CACNA2D3: variants seen among roughly 807,000 people sequenced by gnomAD.
CACNA2D3 encodes the protein voltage-dependent calcium channel subunit alpha-2/delta-3.
CACNA2D3 carries 60 observed loss-of-function variants against 160.6 expected under a neutral mutation model. The observed-to-expected ratio is 0.37, with a 90% CI of 0.30 to 0.46. The LOEUF is 0.46. Among genes scored for constraint, CACNA2D3 ranks in the 20% least tolerant of loss-of-function variants. The pLI is 1.00. For synonymous variants in CACNA2D3, 558 were observed against 492.9 expected, an observed-to-expected ratio of 1.13 and a Z score of -1.75; for missense variants, 1,205 against 1,365.0, an observed-to-expected ratio of 0.88 and a Z score of 1.85.
chr3:54,321,523 C>T (rs999798144), intron 3 of CACNA2D3, among the ~76,000 whole-genome samples: 7 of 152,150 alleles, frequency 4.6e-5, no homozygotes, highest in Non-Finnish European at 1.5e-5. Flanking sequence ...AACCAAGCAC[C>T]TACTACAGGC....
At position 54,292,790 on chromosome 3, in the gene CACNA2D3, A is replaced by G. The variant is rs1270315161; in HGVS notation, c.205-27652A>G. On this transcript the variant is annotated intron_variant, in intron 2 of 37. Transcript: ENST00000474759. ...AGTAGTTCTACAAAAAGTTAAATAT[A>G]GAGTTACCATCTGACCCAGCAATTT... Among the ~76,000 whole-genome samples the G allele has an allele frequency of 7.9e-5, 12 of 152,338 alleles. No homozygotes were observed. The South Asian group carries it at 2.1e-3, about 26-fold the overall frequency.
intron 3 of CACNA2D3, among the ~76,000 whole-genome samples, chr3:54,385,323 C>G (rs915653718): frequency 7.2e-5 from 11 of 152,082 alleles, no homozygotes; most frequent in Non-Finnish European, 5.9e-5. Context: ...TTTGTATTTT[C>G]AGGTGAGGAA....
chr3:54,313,427 A>G (rs1703787016), intron 2 of CACNA2D3, among the ~76,000 whole-genome samples: 1 of 152,088 alleles, frequency 6.6e-6, no homozygotes, highest in East Asian at 1.9e-4. Flanking sequence ...GTTATTCAAA[A>G]GTACAGACCT....
At chr3:54,930,673 G>T (rs546710694) in intron 27 of CACNA2D3, among the ~76,000 whole-genome samples, 1 of 152,340 alleles carries the variant, frequency 6.6e-6, no homozygotes, top group East Asian at 1.9e-4. Flanking sequence ...ATGGTCCTGG[G>T]AAAATCCCAG....
chr3:54,428,665 T>C (rs913474138), intron 4 of CACNA2D3, among the ~76,000 whole-genome samples: 4 of 152,188 alleles, frequency 2.6e-5, no homozygotes, highest in Admixed American at 6.5e-5. Flanking sequence ...ACGATCTCTT[T>C]CTACCTTTCA....
intron 13 of CACNA2D3, among the ~76,000 whole-genome samples, chr3:54,815,900 T>C (rs1703437701): frequency 6.6e-6 from 1 of 152,212 alleles, no homozygotes; most frequent in Non-Finnish European, 1.5e-5. Flanking sequence ...GGGTATTTAA[T>C]ACATGGATCA....
intron 4 of CACNA2D3, among the ~76,000 whole-genome samples, chr3:54,497,521 A>G (rs1701220595): frequency 6.6e-6 from 1 of 151,958 alleles, no homozygotes. Flanking sequence ...ATTCCTTAGG[A>G]TTTTCTATAT....
At chr3:54,149,831 G>T (rs1218761689) in intron 2 of CACNA2D3, among the ~76,000 whole-genome samples, 1 of 151,370 alleles carries the variant, frequency 6.6e-6, no homozygotes, top group Non-Finnish European at 1.5e-5. Context: ...TCTTGAATGA[G>T]TGCTTCACTG....
chr3:54,621,915 C>G (rs1482826407), intron 9 of CACNA2D3, among the ~76,000 whole-genome samples: 1 of 152,170 alleles, frequency 6.6e-6, no homozygotes, highest in African/African-American at 2.4e-5. Flanking sequence ...AAATGAAAGT[C>G]TCACTTTTTT....
intron 9 of CACNA2D3, chr3:54,626,324 G>T: frequency 6.4e-7 from 1 of 1,553,588 alleles, no homozygotes; most frequent in Non-Finnish European, 8.7e-7. Flanking sequence ...CCGCTGTACA[G>T]TGCGCGCCAG....
intron 2 of CACNA2D3, among the ~76,000 whole-genome samples, chr3:54,241,264 A>G (rs1349170465): frequency 6.6e-6 from 1 of 152,168 alleles, no homozygotes; most frequent in Non-Finnish European, 1.5e-5. Flanking sequence ...TTTAATGATC[A>G]TGACTGGGGG....
chr3:54,529,763 A>G (rs966708695), intron 5 of CACNA2D3, among the ~76,000 whole-genome samples: 13 of 152,122 alleles, frequency 8.5e-5, no homozygotes, highest in African/African-American at 2.9e-4. Flanking sequence ...TTTCTTTATA[A>G]TTCTTATTAT....
chr3:54,846,626 G>A (rs1479752664), intron 17 of CACNA2D3, among the ~76,000 whole-genome samples, 159 bp downstream of exon 17: 1 of 152,032 alleles, frequency 6.6e-6, no homozygotes, highest in Non-Finnish European at 1.5e-5. Context: ...ACTGGTATTT[G>A]GACACATAAT....
At chr3:54,231,492 C>T (rs989843025) in intron 2 of CACNA2D3, among the ~76,000 whole-genome samples, 2 of 152,218 alleles carry the variant, frequency 1.3e-5, no homozygotes, top group Admixed American at 6.5e-5. Context: ...TCATCAGGTA[C>T]TCTCTGAGCA....
intron 2 of CACNA2D3, among the ~76,000 whole-genome samples, chr3:54,205,517 A>C (rs978517686): frequency 6.6e-6 from 1 of 152,204 alleles, no homozygotes; most frequent in Non-Finnish European, 1.5e-5. Flanking sequence ...TGTTTACATT[A>C]TTGAATGTTT....
At chr3:54,633,470 T>C (rs1699291541) in intron 10 of CACNA2D3, 2 of 152,088 alleles carry the variant, frequency 1.3e-5, no homozygotes, top group African/African-American at 4.8e-5. Context: ...CTTGCAGAAG[T>C]TTGAAGAGTA....
chr3:54,189,349 A>G (rs553939014), intron 2 of CACNA2D3, among the ~76,000 whole-genome samples: 2 of 152,274 alleles, frequency 1.3e-5, no homozygotes, highest in African/African-American at 4.8e-5. Context: ...TGGGTGTTCC[A>G]TCCATTAATT....
chr3:54,362,783 G>A (rs547013743), intron 3 of CACNA2D3, among the ~76,000 whole-genome samples: 3 of 152,362 alleles, frequency 2.0e-5, no homozygotes, highest in Admixed American at 1.3e-4. Context: ...TGAGTCAACT[G>A]CAGCAGAGAC....
chr3:54,612,978 G>C (rs1488869605), intron 9 of CACNA2D3, among the ~76,000 whole-genome samples: 1 of 152,104 alleles, frequency 6.6e-6, no homozygotes. Flanking sequence ...GAACTGCTGT[G>C]AAAATGGACC....
Sources: gnomAD v4.1 joint callset for allele counts (sites outside exome capture counted in the v4.1 genomes callset) on GRCh38, gnomAD v4.1.1 for gene constraint, MANE v1.5 for transcripts, NCBI Gene and HGNC (gene_info 2026-07-23, HGNC 2026-07-21) for gene names.